The following DLGAP2 variants were observed in gnomAD, a reference collection of about 807,000 sequenced individuals.
DLGAP2 encodes disks large-associated protein 2.
Under a neutral mutation model 100.3 loss-of-function variants are expected in DLGAP2, and 26 were observed. The observed-to-expected ratio is 0.26, with a 90% CI of 0.19 to 0.36. The LOEUF is 0.36. Ranked by LOEUF, DLGAP2 falls within the 10% of genes least tolerant of loss-of-function variation. DLGAP2 has a pLI of 1.00. For missense variants in DLGAP2, 1,858 were observed against 1,453.2 expected, an observed-to-expected ratio of 1.28 and a Z score of -4.53; for synonymous variants, 886 against 630.1, an observed-to-expected ratio of 1.41 and a Z score of -6.08.
At chr8:1,071,945 G>T (rs539053880) in intron 2 of DLGAP2, among the ~76,000 whole-genome samples, 2 of 152,204 alleles carry the variant, frequency 1.3e-5, no homozygotes, top group Non-Finnish European at 2.9e-5. Context: ...GGGTGGTTTG[G>T]GTGCCGTGCT....
chr8:1,412,073 C>T (rs1445441224), intron 3 of DLGAP2, among the ~76,000 whole-genome samples: 1 of 152,248 alleles, frequency 6.6e-6, no homozygotes, highest in Non-Finnish European at 1.5e-5. Context: ...GGAGTCACTG[C>T]CCTTTCTCCA....
intron 3 of DLGAP2, chr8:1,369,205 C>G (rs1419600165): frequency 6.6e-6 from 1 of 152,164 alleles, no homozygotes; most frequent in African/African-American, 2.4e-5. Flanking sequence ...GCTGTCATTA[C>G]AAAATTCCAC....
intron 4 of DLGAP2, among the ~76,000 whole-genome samples, chr8:1,537,427 A>T (rs1054151947): frequency 4.6e-5 from 7 of 152,060 alleles, no homozygotes; most frequent in Non-Finnish European, 1.0e-4. Flanking sequence ...TCCAAATGAT[A>T]TCTGCCAAAC....
chr8:775,120 G>A (rs1234267982), intron 1 of DLGAP2, among the ~76,000 whole-genome samples: 2 of 152,118 alleles, frequency 1.3e-5, no homozygotes, highest in African/African-American at 4.8e-5. Context: ...AATTGTGAAT[G>A]GGAGTTCACT....
At chr8:803,591 G>C (rs1048174430) in intron 1 of DLGAP2, among the ~76,000 whole-genome samples, 1 of 151,734 alleles carries the variant, frequency 6.6e-6, no homozygotes, top group Non-Finnish European at 1.5e-5. Context: ...CTACACGCCC[G>C]GCATTCTGCT....
At chr8:800,616 A>G (rs531029617) in intron 1 of DLGAP2, among the ~76,000 whole-genome samples, 1 of 152,164 alleles carries the variant, frequency 6.6e-6, no homozygotes, top group South Asian at 2.1e-4. Flanking sequence ...GTGTGTGTAC[A>G]TGTATGTTTA....
At chr8:1,444,095 A>G (rs1382462966) in intron 3 of DLGAP2, among the ~76,000 whole-genome samples, 2 of 151,984 alleles carry the variant, frequency 1.3e-5, no homozygotes, top group Non-Finnish European at 2.9e-5. Context: ...CCTCTACCTT[A>G]AGCTCCAGTG....
chr8:1,276,220 A>ACCCCCCCCC (rs1799691252), intron 3 of DLGAP2, among the ~76,000 whole-genome samples: 1 of 150,444 alleles, frequency 6.6e-6, no homozygotes. Flanking sequence ...TCCCCCCCCG[A>ACCCCCCCCC]CCCTAGCTCT....
At chr8:1,370,089 G>A (rs1442497533) in intron 3 of DLGAP2, among the ~76,000 whole-genome samples, 1 of 152,186 alleles carries the variant, frequency 6.6e-6, no homozygotes, top group Non-Finnish European at 1.5e-5. Flanking sequence ...ACTGTCCCTA[G>A]GCAGCTTTTC....
intron 1 of DLGAP2, chr8:738,836 C>G (rs1338265925): frequency 1.3e-5 from 2 of 152,410 alleles, no homozygotes; most frequent in East Asian, 3.9e-4. Flanking sequence ...AGGTGGGCGC[C>G]GGCGAGAAGG....
chr8:1,362,913 C>T (rs1009298091), intron 3 of DLGAP2, among the ~76,000 whole-genome samples: 1 of 152,190 alleles, frequency 6.6e-6, no homozygotes, highest in African/African-American at 2.4e-5. Flanking sequence ...TCCCGTCTGT[C>T]TGTCTGTCCT....
At chr8:946,485 G>T (rs79631681) in intron 2 of DLGAP2, among the ~76,000 whole-genome samples, 3,606 of 151,978 alleles carry the variant, frequency 0.024, 56 homozygotes, top group Non-Finnish European at 0.033. Context: ...GGATGGTCTC[G>T]ATCTCCTGAC....
At chr8:1,000,258 A>C (rs1300785519) in intron 2 of DLGAP2, among the ~76,000 whole-genome samples, 1 of 147,366 alleles carries the variant, frequency 6.8e-6, no homozygotes, top group Non-Finnish European at 1.5e-5. Context: ...TTTGCACTGG[A>C]TTTTCTCTAG....
intron 2 of DLGAP2, among the ~76,000 whole-genome samples, chr8:1,108,506 T>C (rs1224795453): frequency 6.7e-6 from 1 of 149,634 alleles, no homozygotes; most frequent in Non-Finnish European, 1.5e-5. Context: ...TGACGTGTGC[T>C]GGGTCTGTGA....
intron 2 of DLGAP2, among the ~76,000 whole-genome samples, chr8:929,066 C>T (rs1490725696): frequency 8.6e-6 from 1 of 116,578 alleles, no homozygotes; most frequent in African/African-American, 3.4e-5. Flanking sequence ...ATCCCAGAAC[C>T]CCCGGCCATT....
intron 2 of DLGAP2, among the ~76,000 whole-genome samples, chr8:1,071,076 C>T (rs1036115766): frequency 7.2e-5 from 11 of 152,204 alleles, no homozygotes; most frequent in Non-Finnish European, 1.2e-4. Flanking sequence ...GGGGGCGACC[C>T]GGGCCTCTCT....
chr8:1,586,449 C>G (rs943339464), intron 6 of DLGAP2, among the ~76,000 whole-genome samples: 1 of 152,186 alleles, frequency 6.6e-6, no homozygotes, highest in African/African-American at 2.4e-5. Context: ...CCACATCGAT[C>G]TCCGACTTGC....
At chr8:1,654,873 T>C (rs537331635) in intron 8 of DLGAP2, among the ~76,000 whole-genome samples, 1 of 152,314 alleles carries the variant, frequency 6.6e-6, no homozygotes, top group South Asian at 2.1e-4. Context: ...ACATTCAAAA[T>C]TCTGTACTTA....
rs1386243631 is a variant in DLGAP2 at position 1,492,498 on chromosome 8, TTCCC to T, written c.107-8866_107-8863del. Among the ~76,000 whole-genome samples the T allele has an allele frequency of 3.9e-5, 6 of 152,210 alleles. No homozygotes were observed. The East Asian group carries it at 1.2e-3, about 29-fold the overall frequency. Reference sequence around the variant, plus strand: ...CTCAGAGGGCTGCTTCTGCTGAGCGTTCCCTGTGCGTTCCGGAAGCAGCTCCTGT... The same window carrying T: ...CTCAGAGGGCTGCTTCTGCTGAGCGTTGTGCGTTCCGGAAGCAGCTCCTGT... On this transcript the variant is annotated intron_variant, in intron 3 of 14. Coordinates refer to ENST00000637795, the MANE Select transcript of DLGAP2 (RefSeq NM_001346810.2).
Sources: allele counts gnomAD v4.1 joint callset (sites outside exome capture counted in the v4.1 genomes callset), GRCh38; gene constraint gnomAD v4.1.1; transcripts MANE v1.5; gene names NCBI Gene and HGNC (gene_info 2026-07-23, HGNC 2026-07-21).